The following ZNF44 variants were observed in gnomAD, a reference collection of about 807,000 sequenced individuals.
ZNF44 encodes the protein zinc finger protein 44.
A neutral mutation model predicts 11.7 loss-of-function variants in ZNF44; 9 were observed. That is an observed-to-expected ratio of 0.77 (90% CI 0.46 to 1.35). The LOEUF is 1.35. Ranked by LOEUF, ZNF44 falls within the 40% of genes most tolerant of loss-of-function variation. The pLI is 0.00. For missense variants in ZNF44, 696 were observed against 743.1 expected (o/e 0.94, Z 0.74); for synonymous variants, 224 against 242.7 (o/e 0.92, Z 0.72).
chr19:12,257,646 T>C (rs1037110433), intron 5 of ZNF44, among the ~76,000 whole-genome samples: 1 of 150,568 alleles, frequency 6.6e-6, no homozygotes, highest in African/African-American at 2.4e-5. Flanking sequence ...ATTAAAAATA[T>C]AAAAATTAAC....
intron 1 of ZNF44, chr19:12,293,299 A>ATATC: frequency 6.5e-7 from 1 of 1,536,972 alleles, no homozygotes; most frequent in Non-Finnish European, 8.7e-7. Flanking sequence ...CCAAGGGCCG[A>ATATC]TATCCACTAG....
At chr19:12,249,767 G>C (rs529276762) in intron 7 of ZNF44, among the ~76,000 whole-genome samples, 2 of 152,044 alleles carry the variant, frequency 1.3e-5, no homozygotes, top group South Asian at 2.1e-4. Flanking sequence ...GGTCAGGCTG[G>C]TCTTGAACTC....
chr19:12,282,403 C>A (rs1967508539), intron 1 of ZNF44, among the ~76,000 whole-genome samples: 1 of 151,466 alleles, frequency 6.6e-6, no homozygotes, highest in African/African-American at 2.4e-5. Context: ...TCCAAATCAA[C>A]CCACTTGGAG....
chr19:12,269,747 C>T (rs1429445978), downstream of ZNF44, among the ~76,000 whole-genome samples: 5 of 151,954 alleles, frequency 3.3e-5, no homozygotes, highest in Non-Finnish European at 7.4e-5. Flanking sequence ...TTGGATTTTC[C>T]CAAATTACTT....
At chr19:12,232,086 CG>C (rs1384582500) in intron 2 of ZNF44, among the ~76,000 whole-genome samples, 4 of 152,180 alleles carry the variant, frequency 2.6e-5, no homozygotes, top group African/African-American at 7.2e-5. Flanking sequence ...CAGACAAATA[CG>C]TGAACAAAGG....
At chr19:12,245,884 G>A (rs1024626079), downstream of ZNF44, among the ~76,000 whole-genome samples, 18 of 152,168 alleles carry the variant, frequency 1.2e-4, no homozygotes, top group South Asian at 2.7e-3. Flanking sequence ...CGTGGACACC[G>A]GCCTCCTGCC....
At chr19:12,225,968 G>C (rs1915899470), downstream of ZNF44, among the ~76,000 whole-genome samples, 1 of 152,282 alleles carries the variant, frequency 6.6e-6, no homozygotes, top group Non-Finnish European at 1.5e-5. Flanking sequence ...AGAAAAATTA[G>C]AATTTAATTT....
At position 12,279,921 on chromosome 19, in the gene ZNF44, TTG is replaced by T. The variant is rs60414721; in HGVS notation, c.4-3841_4-3840del. Among the ~76,000 whole-genome samples, 1,076 of 143,736 alleles carry T rather than the reference TTG, an allele frequency of 7.5e-3. 6 individuals carry two copies. The highest frequency in any genetic ancestry group is 0.023 in the African/African-American group (887 of 38,774). The allele number at this position is 143,736 out of a possible 152,430, so 94.3% of individuals were successfully genotyped here. ...AAATGATATGGGTTAGAAATTCAGA[TTG>T]TGTGTGTGTGTGTGTGTGTGTGTAT... On this transcript the variant is annotated intron_variant, in intron 1 of 3. Transcript: ENST00000355684.
intron 7 of ZNF44, among the ~76,000 whole-genome samples, chr19:12,249,055 G>C (rs895502872): frequency 6.6e-6 from 1 of 151,980 alleles, no homozygotes; most frequent in Non-Finnish European, 1.5e-5. Context: ...AGGGATTACA[G>C]GCACCTGCCA....
intron 1 of ZNF44, among the ~76,000 whole-genome samples, chr19:12,283,114 T>C (rs1211038608): frequency 6.6e-6 from 1 of 152,120 alleles, no homozygotes; most frequent in Admixed American, 6.5e-5. Context: ...CAATAAAACT[T>C]TATCAAATTG....
chr19:12,243,125 C>G (rs1199798787), downstream of ZNF44, among the ~76,000 whole-genome samples: 1 of 152,122 alleles, frequency 6.6e-6, no homozygotes, highest in African/African-American at 2.4e-5. Flanking sequence ...ATCCAACAGG[C>G]GTAGATTCAG....
intron 1 of ZNF44, among the ~76,000 whole-genome samples, chr19:12,282,666 G>A (rs368257827): frequency 1.3e-5 from 2 of 151,870 alleles, no homozygotes; most frequent in Admixed American, 1.3e-4. Flanking sequence ...GAGGTGATCC[G>A]CCCACCTAGG....
rs1010061674 is a variant in ZNF44, at chr19:12,275,952, A to T, written c.130+4T>A. On this transcript the variant is annotated splice_donor_region_variant and intron_variant, in intron 2 of 3. Coordinates refer to ENST00000355684, the MANE Select transcript of ZNF44 (RefSeq NM_016264.4). ...ACCAAATGAAGACATGATGTCATCC[A>T]TACCTATACAGTTCAGGTTCCTAAT... 6.3e-7 allele frequency: 1 copy of T among 1,598,696 alleles called. No individual in the cohort carries two copies. The highest frequency in any genetic ancestry group is 8.5e-7 in the Non-Finnish European group (1 of 1,170,382).
At chr19:12,269,600 C>T (rs768448555), downstream of ZNF44, among the ~76,000 whole-genome samples, 1 of 152,110 alleles carries the variant, frequency 6.6e-6, no homozygotes, top group Admixed American at 6.5e-5. Flanking sequence ...TGGCCTCAAG[C>T]GATCCTCCCA....
downstream of ZNF44, chr19:12,247,256 C>T (rs1380972234): frequency 6.1e-5 from 71 of 1,172,626 alleles, no homozygotes; most frequent in Non-Finnish European, 7.4e-5. Flanking sequence ...GAAAAACTTT[C>T]GATATTTACA....
chr19:12,275,878 T>C, intron 2 of ZNF44, 78 bp downstream of exon 2: 1 of 1,469,118 alleles, frequency 6.8e-7, no homozygotes, highest in East Asian at 2.6e-5. Context: ...TTTCCATATT[T>C]CAAATCACTG....
downstream of ZNF44, among the ~76,000 whole-genome samples, chr19:12,243,722 G>GT (rs1055035801): frequency 7.0e-3 from 1,036 of 148,524 alleles, 15 homozygotes; most frequent in African/African-American, 0.023. Flanking sequence ...GGTAGTTTTT[G>GT]TTTTTTTTTG....
downstream of ZNF44, among the ~76,000 whole-genome samples, chr19:12,271,051 G>A (rs1431631000): frequency 6.6e-6 from 1 of 152,086 alleles, no homozygotes; most frequent in Non-Finnish European, 1.5e-5. Context: ...TGATGATGAT[G>A]ATGATGATGA....
At chr19:12,291,332 T>G in intron 1 of ZNF44, 1 of 428,426 alleles carries the variant, frequency 2.3e-6, no homozygotes, top group South Asian at 1.7e-5. Flanking sequence ...GAAAATATAT[T>G]CATTTTTCTG....
Sources: allele counts gnomAD v4.1 joint callset (sites outside exome capture counted in the v4.1 genomes callset), GRCh38; gene constraint gnomAD v4.1.1; transcripts MANE v1.5; gene names NCBI Gene and HGNC (gene_info 2026-07-23, HGNC 2026-07-21).